BUB1B: variants seen among roughly 807,000 people sequenced by gnomAD.
BUB1B encodes the protein BUB1 mitotic checkpoint serine/threonine kinase B.
BUB1B carries 86 observed loss-of-function variants against 137.7 expected under a neutral mutation model. The ratio of observed to expected loss-of-function variants is 0.62; its 90% CI spans 0.52 to 0.75. The LOEUF (loss-of-function observed/expected upper bound fraction) is 0.75, where lower values mean the gene tolerates loss of function less well. Ranked by LOEUF, BUB1B falls within the 30% of genes least tolerant of loss-of-function variation. The pLI is 0.00. For synonymous variants in BUB1B, 420 were observed against 417.9 expected (o/e 1.00, Z -0.06); for missense variants, 1,130 against 1,236.9 (o/e 0.91, Z 1.30).
chr15:40,206,385 G>T lies in BUB1B; in HGVS notation c.1936G>T (p.Val646Leu), dbSNP rs1349171668. Reference protein sequence around the residue: ...ERLLPEEDLDVKTSEDQQTAC... With the variant: ...ERLLPEEDLDLKTSEDQQTAC... ...ACTGTTACCGGAAGAAGATCTAGATGTAAAGACCTCTGAGGACCAGCAGAC... is the reference window on the plus strand; with the variant it reads ...ACTGTTACCGGAAGAAGATCTAGATTTAAAGACCTCTGAGGACCAGCAGAC... Residue 646 changes from valine (V) to leucine (L), a missense_variant, in exon 15 of 23, where the codon GTA becomes TTA. Transcript: ENST00000287598. The T allele has an allele frequency of 6.2e-7, 1 of 1,614,190 alleles. No homozygotes were observed. The highest frequency in any genetic ancestry group is 8.5e-7 in the Non-Finnish European group (1 of 1,180,040).
chr15:40,203,660 T>A (rs1595530141), intron 14 of BUB1B, among the ~76,000 whole-genome samples: 1 of 152,348 alleles, frequency 6.6e-6, no homozygotes, highest in East Asian at 1.9e-4. Flanking sequence ...AATACCTTTT[T>A]TGGCAATGCA....
chr15:40,185,072 G>A (rs1383960774), intron 6 of BUB1B, 93 bp from the exon 7 acceptor site: 3 of 1,026,758 alleles, frequency 2.9e-6, no homozygotes, highest in East Asian at 4.8e-5. Context: ...TGGAAATACT[G>A]TCCTTGAGTT....
chr15:40,201,733 C>G (rs1415470819), intron 12 of BUB1B, among the ~76,000 whole-genome samples: 1 of 152,160 alleles, frequency 6.6e-6, no homozygotes, highest in African/African-American at 2.4e-5. Flanking sequence ...GTGGCGCGAT[C>G]TCAGCTCACT....
intron 6 of BUB1B, among the ~76,000 whole-genome samples, chr15:40,184,831 GA>G (rs1566820133): frequency 1.3e-5 from 2 of 151,970 alleles, no homozygotes; most frequent in African/African-American, 4.8e-5. Flanking sequence ...TAAAACTGAA[GA>G]ATAAAACTTA....
chr15:40,218,483 G>A lies in BUB1B; in HGVS notation c.2878G>A (p.Ala960Thr), dbSNP rs747616023. 1 of 1,613,980 alleles carries A rather than the reference G, an allele frequency of 6.2e-7. No homozygotes were observed. The highest frequency in any genetic ancestry group is 1.1e-5 in the South Asian group (1 of 91,048). The change falls in exon 22 of 23, where the codon GCA (alanine) becomes ACA (threonine). Residue 960 changes from alanine (A) to threonine (T), a missense_variant. Transcript: ENST00000287598. ...AGACCTGTTTGGTATAGCAGATTTA[G>A]CACATTTACTATTGTTCAAGGAACA... ...QVDLFGIADL[A>T]HLLLFKEHLQ...
chr15:40,218,634 C>A, intron 22 of BUB1B, 72 bp downstream of exon 22: 1 of 1,115,626 alleles, frequency 9.0e-7, no homozygotes, highest in Non-Finnish European at 1.4e-6. Flanking sequence ...GCTATCTCTG[C>A]TTTGGCAGCC....
intron 16 of BUB1B, among the ~76,000 whole-genome samples, chr15:40,209,380 C>T (rs1162222977): frequency 6.6e-6 from 1 of 152,192 alleles, no homozygotes; most frequent in Admixed American, 6.5e-5. Flanking sequence ...GCCGAGATGG[C>T]GCCACTGCAC....
chr15:40,208,591 A>G (rs1226158213), intron 15 of BUB1B, 46 bp from the exon 16 acceptor site: 2 of 1,515,302 alleles, frequency 1.3e-6, no homozygotes, highest in Non-Finnish European at 9.1e-7. Flanking sequence ...AACAAAGTTG[A>G]TATATATTAT....
chr15:40,198,599 C>T (rs978720933), intron 9 of BUB1B, among the ~76,000 whole-genome samples: 5 of 152,136 alleles, frequency 3.3e-5, no homozygotes, highest in Non-Finnish European at 5.9e-5. Context: ...GTTGTTTTTT[C>T]TTTGCGTTGC....
chr15:40,187,043 T>G (rs992547980), intron 8 of BUB1B: 1 of 151,842 alleles, frequency 6.6e-6, no homozygotes, highest in Non-Finnish European at 1.5e-5. Context: ...CCCAGCACTT[T>G]GGGAGGCCAA....
In BUB1B at chr15:40,202,740, G is replaced by T. The variant is rs772098173; in HGVS notation, c.1734+46G>T. ...GTTAATGTAAATGGGCTAGTGGATT[G>T]TTTATTCAAAACCACAAAAGCTTAA... On this transcript the variant is annotated intron_variant, in intron 14 of 22. Coordinates refer to ENST00000287598, the MANE Select transcript of BUB1B (RefSeq NM_001211.6). 20 of 1,502,258 alleles carry T rather than the reference G, an allele frequency of 1.3e-5. No homozygotes were observed. The South Asian group carries it at 2.0e-4, about 15-fold the overall frequency. 93.1% of individuals were successfully genotyped at this position (1,502,258 alleles called of 1,614,324 possible).
chr15:40,211,981 A>C (rs1334296396), intron 18 of BUB1B, among the ~76,000 whole-genome samples: 1 of 152,054 alleles, frequency 6.6e-6, no homozygotes, highest in African/African-American at 2.4e-5. Flanking sequence ...CGCCACCAAA[A>C]GCCTAGCTAA....
At chr15:40,193,739 C>T (rs1302805151) in intron 8 of BUB1B, among the ~76,000 whole-genome samples, 1 of 151,970 alleles carries the variant, frequency 6.6e-6, no homozygotes, top group Non-Finnish European at 1.5e-5. Context: ...ACTAAAAATA[C>T]AAAAATTAGC....
chr15:40,220,601 C>T lies in BUB1B; in HGVS notation c.2995C>T (p.Arg999Trp), dbSNP rs201246315. Residue 999 changes from arginine (R) to tryptophan (W), a missense_variant, in exon 23 of 23, where the codon CGG (arginine) becomes TGG (tryptophan). Transcript: ENST00000287598. ...DGELWNKFFV[R>W]ILNANDEATV... ...TGAATTGTGGAATAAATTCTTTGTGCGGATTCTGAATGCCAATGATGAGGC... is the reference window on the plus strand; with the variant it reads ...TGAATTGTGGAATAAATTCTTTGTGTGGATTCTGAATGCCAATGATGAGGC... The T allele has an allele frequency of 2.5e-5, 40 of 1,613,976 alleles. No homozygotes were observed. Among genetic ancestry groups the T allele is most frequent in the African/African-American group, 6.7e-5 (5 of 74,900 alleles).
chr15:40,215,522 C>A (rs185573624), intron 20 of BUB1B, among the ~76,000 whole-genome samples: 2 of 152,254 alleles, frequency 1.3e-5, no homozygotes, highest in African/African-American at 4.8e-5. Context: ...GTAATCCCAG[C>A]ATTTTGGGAG....
At chr15:40,192,163 T>C (rs911886174) in intron 8 of BUB1B, among the ~76,000 whole-genome samples, 24 of 152,216 alleles carry the variant, frequency 1.6e-4, no homozygotes, top group Non-Finnish European at 3.2e-4. Context: ...TTGAATTCTT[T>C]CAGTGTTTTG....
chr15:40,176,715 G>T, intron 5 of BUB1B, 42 bp downstream of exon 5: 1 of 1,588,266 alleles, frequency 6.3e-7, no homozygotes, highest in Middle Eastern at 1.7e-4. Flanking sequence ...AAAAATAATA[G>T]AAATAAATTA....
intron 5 of BUB1B, among the ~76,000 whole-genome samples, chr15:40,179,204 G>C (rs2048202733): frequency 6.6e-6 from 1 of 151,292 alleles, no homozygotes; most frequent in African/African-American, 2.4e-5. Flanking sequence ...TCAGCATACT[G>C]TTTTCAAGGT....
At position 40,172,169 on chromosome 15, in the gene BUB1B, GAAAT is replaced by G. The variant is rs529757735; in HGVS notation, c.384+1493_384+1496del. On this transcript the variant is annotated intron_variant, in intron 4 of 22. Transcript: ENST00000287598. ...TTTCTTACTAAAAGTAATAAAGTAA[GAAAT>G]AAATTTCTTACTAAAATAAAGTAAT... Among the ~76,000 whole-genome samples the G allele has an allele frequency of 3.8e-3, 577 of 151,178 alleles. 3 individuals are homozygous for G. The highest frequency in any genetic ancestry group is 0.013 in the African/African-American group (539 of 41,240).
Sources: allele counts gnomAD v4.1 joint callset (sites outside exome capture counted in the v4.1 genomes callset), GRCh38; gene constraint gnomAD v4.1.1; transcripts MANE v1.5; gene names NCBI Gene and HGNC (gene_info 2026-07-23, HGNC 2026-07-21).